Variants in SLC16A7 observed in about 807,000 individuals in gnomAD.
The protein encoded by SLC16A7 is monocarboxylate transporter 2.
In SLC16A7, 33 loss-of-function variants were observed where a neutral mutation model predicts 34.9. The observed-to-expected ratio is 0.94, with a 90% CI of 0.72 to 1.26. The LOEUF (loss-of-function observed/expected upper bound fraction) is 1.26, where lower values mean the gene tolerates loss of function less well. Among genes scored for constraint, SLC16A7 ranks in the 50% most tolerant of loss-of-function variants. The pLI is 0.00. For missense variants in SLC16A7, 573 were observed against 578.1 expected (o/e 0.99, Z 0.09); for synonymous variants, 201 against 206.6 (o/e 0.97, Z 0.23).
chr12:59,681,022 G>A (rs1248979481), intron 2 of SLC16A7, among the ~76,000 whole-genome samples: 1 of 152,192 alleles, frequency 6.6e-6, no homozygotes, highest in Non-Finnish European at 1.5e-5. Flanking sequence ...CCTATGTAAA[G>A]TTCTTGTCCT....
At chr12:59,764,320 TTTTTTG>T (rs1271750191) in intron 3 of SLC16A7, among the ~76,000 whole-genome samples, 4 of 152,154 alleles carry the variant, frequency 2.6e-5, no homozygotes, top group African/African-American at 9.6e-5. Context: ...GCTAGTACAT[TTTTTTG>T]TTTTTGTTTT....
intron 1 of SLC16A7, among the ~76,000 whole-genome samples, chr12:59,639,729 A>G (rs1880590926): frequency 6.6e-6 from 1 of 152,088 alleles, no homozygotes; most frequent in Admixed American, 6.6e-5. Flanking sequence ...TCCGACACCA[A>G]ATATATGATA....
At chr12:59,700,788 C>G (rs1872782054) in intron 2 of SLC16A7, among the ~76,000 whole-genome samples, 1 of 151,508 alleles carries the variant, frequency 6.6e-6, no homozygotes, top group South Asian at 2.1e-4. Context: ...ATGGCTATTG[C>G]TATTTTCTGA....
At chr12:59,768,273 G>GTTTA (rs1565711094) in intron 3 of SLC16A7, 6 of 450,834 alleles carry the variant, frequency 1.3e-5, no homozygotes, top group South Asian at 6.3e-5. Flanking sequence ...TTTGGAAGAA[G>GTTTA]TTTATTTCAA....
intron 2 of SLC16A7, among the ~76,000 whole-genome samples, chr12:59,694,188 G>T (rs1011056737): frequency 6.6e-6 from 1 of 151,828 alleles, no homozygotes; most frequent in Non-Finnish European, 1.5e-5. Flanking sequence ...ACTTTTGTAG[G>T]GGGAATAAGC....
chr12:59,760,128 A>G (rs1328838613), intron 3 of SLC16A7, among the ~76,000 whole-genome samples: 1 of 152,052 alleles, frequency 6.6e-6, no homozygotes, highest in African/African-American at 2.4e-5. Flanking sequence ...GGCCTTGTGA[A>G]ACTAAAATAA....
chr12:59,652,201 A>G (rs1334211508), intron 1 of SLC16A7, among the ~76,000 whole-genome samples: 1 of 152,048 alleles, frequency 6.6e-6, no homozygotes, highest in East Asian at 1.9e-4. Context: ...AGTTAATAAA[A>G]TTACATATGT....
Position 59,738,005 on chromosome 12 carries a change from T to C in SLC16A7, c.217+32987T>C, listed in dbSNP as rs138373271. On this transcript the variant is annotated intron_variant, in intron 3 of 5. Coordinates refer to ENST00000547379, the MANE Select transcript of SLC16A7 (RefSeq NM_001270623.2). ...TGATCCATTCTCCTGTTTTATTTCA[T>C]TATTTGGTTGTTTATAAGATTTATA... Among the ~76,000 whole-genome samples, 225 of 152,318 alleles carry C rather than the reference T, an allele frequency of 1.5e-3. 1 individual carries two copies. Among genetic ancestry groups the C allele is most frequent in the African/African-American group, 5.3e-3 (221 of 41,576 alleles).
rs546286025 is a variant in SLC16A7, at chr12:59,749,212, A to C, written c.218-22007A>C. ...TTTTGAGCAAATGCAATTTATGATT[A>C]GGACTGCCCTTATCTACAAAGGCGA... is the stretch of plus-strand genomic sequence containing the variant. On this transcript the variant is annotated intron_variant, in intron 3 of 5. Coordinates refer to ENST00000547379, the MANE Select transcript of SLC16A7 (RefSeq NM_001270623.2). Among the ~76,000 whole-genome samples the C allele has an allele frequency of 3.9e-5, 6 of 152,344 alleles. No individual in the cohort carries two copies. In the South Asian group the frequency reaches 1.2e-3, roughly 32 times the overall value.
intron 2 of SLC16A7, among the ~76,000 whole-genome samples, chr12:59,656,833 G>A (rs932309179): frequency 6.6e-6 from 1 of 151,942 alleles, no homozygotes. Context: ...GTTCCTTTTA[G>A]ATACATAGTT....
chr12:59,774,768 T>TAAG lies in SLC16A7; in HGVS notation c.474_476dup (p.Leu158_Ser159insArg). 1 of 1,613,972 alleles carries TAAG rather than the reference T, an allele frequency of 6.2e-7. No individual in the cohort carries two copies. The highest frequency in any genetic ancestry group is 8.5e-7 in the Non-Finnish European group (1 of 1,179,926). On this transcript the variant is annotated inframe_insertion, in exon 5 of 6. Coordinates refer to ENST00000547379, the MANE Select transcript of SLC16A7 (RefSeq NM_001270623.2). ...GCCATGGCAGGAAGTCCTGTTTTCT[T>TAAG]AAGTTCATTGGCTCCTTTCAATCAG...
At chr12:59,620,843 T>C (rs897196450) in intron 1 of SLC16A7, among the ~76,000 whole-genome samples, 1 of 151,772 alleles carries the variant, frequency 6.6e-6, no homozygotes, top group Non-Finnish European at 1.5e-5. Flanking sequence ...CTGGGAGAAA[T>C]ATTTATAGTT....
chr12:59,767,061 AG>A (rs34312055), intron 3 of SLC16A7, among the ~76,000 whole-genome samples: 11,769 of 151,946 alleles, frequency 0.077, 541 homozygotes, highest in South Asian at 0.17. Flanking sequence ...TAGTCTTGCG[AG>A]GGTGTATGTG....
intron 1 of SLC16A7, among the ~76,000 whole-genome samples, chr12:59,643,568 C>G (rs968462678): frequency 6.6e-6 from 1 of 152,110 alleles, no homozygotes; most frequent in Non-Finnish European, 1.5e-5. Context: ...TTGATAAATG[C>G]TATGAAGAAA....
chr12:59,690,398 G>GA, intron 2 of SLC16A7, among the ~76,000 whole-genome samples: 1 of 151,956 alleles, frequency 6.6e-6, no homozygotes, highest in South Asian at 2.1e-4. Flanking sequence ...ATTAACAAGA[G>GA]AAAAACAAAA....
In SLC16A7 at chr12:59,780,182, T is replaced by C. The variant is rs1883139441; in HGVS notation, c.*503T>C. 6.6e-6 allele frequency: 1 copy of C among 151,736 alleles called. No homozygotes were observed. 9.4% of individuals were successfully genotyped at this position (151,736 alleles called of 1,614,324 possible). A position where few individuals can be genotyped will look rare whatever the true frequency, so the allele number is the denominator to read the frequency against. On this transcript the variant is annotated 3_prime_UTR_variant, in exon 6 of 6. Transcript: ENST00000547379. ...CTTACCCACATGTACACAGAGTATCTGGAGAATAAAACCCAAATTCAAAAA... is the reference window on the plus strand; with the variant it reads ...CTTACCCACATGTACACAGAGTATCCGGAGAATAAAACCCAAATTCAAAAA...
intron 1 of SLC16A7, among the ~76,000 whole-genome samples, chr12:59,645,674 G>T (rs143172425): frequency 1.3e-5 from 2 of 152,208 alleles, no homozygotes; most frequent in Middle Eastern, 3.4e-3. Flanking sequence ...ACAGAGAGTG[G>T]GGTGCTGCTA....
chr12:59,622,345 A>G (rs1017177263), intron 1 of SLC16A7, among the ~76,000 whole-genome samples: 48 of 152,010 alleles, frequency 3.2e-4, no homozygotes, highest in Non-Finnish European at 6.9e-4. Flanking sequence ...TTTCAGTCCT[A>G]CATATATTGA....
intron 3 of SLC16A7, among the ~76,000 whole-genome samples, chr12:59,729,284 A>G (rs770928646): frequency 2.9e-4 from 44 of 152,354 alleles, no homozygotes; most frequent in South Asian, 6.2e-4. Flanking sequence ...ATTATAACTC[A>G]TCATGCGGAT....
Sources: allele counts gnomAD v4.1 joint callset (sites outside exome capture counted in the v4.1 genomes callset), GRCh38; gene constraint gnomAD v4.1.1; transcripts MANE v1.5; gene names NCBI Gene and HGNC (gene_info 2026-07-23, HGNC 2026-07-21).